ZC3H14: variants seen among roughly 807,000 people sequenced by gnomAD.
ZC3H14 encodes the protein zinc finger CCCH-type containing 14.
ZC3H14 carries 31 observed loss-of-function variants against 92.4 expected under a neutral mutation model. The observed-to-expected ratio is 0.34, with a 90% CI of 0.25 to 0.45. The LOEUF is 0.45. ZC3H14 is among the 20% of genes least tolerant of loss of function. ZC3H14 has a pLI of 1.00. For missense variants in ZC3H14, 781 were observed against 897.3 expected (o/e 0.87, Z 1.66); for synonymous variants, 321 against 300.9 (o/e 1.07, Z -0.69).
intron 9 of ZC3H14, among the ~76,000 whole-genome samples, chr14:88,592,899 T>C (rs1374749026): frequency 6.6e-6 from 1 of 152,084 alleles, no homozygotes; most frequent in African/African-American, 2.4e-5. Flanking sequence ...TAAACCAAAG[T>C]AAAAACGTCC....
chr14:88,567,822 G>GT (rs1312474792), intron 2 of ZC3H14: 21 of 594,166 alleles, frequency 3.5e-5, no homozygotes, highest in Admixed American at 3.3e-4. Flanking sequence ...GTTTAGTTTT[G>GT]TAAGTATCAA....
chr14:88,578,702 C>CCTGTCTCT (rs149276426), intron 9 of ZC3H14, among the ~76,000 whole-genome samples: 3,057 of 151,340 alleles, frequency 0.02, 86 homozygotes, highest in African/African-American at 0.065. Context: ...TCTTAAGCAT[C>CCTGTCTCT]CTGTCTCTGA....
chr14:88,604,412 A>G (rs952036632), intron 12 of ZC3H14, among the ~76,000 whole-genome samples: 1 of 152,004 alleles, frequency 6.6e-6, no homozygotes, highest in Non-Finnish European at 1.5e-5. Context: ...CCTGCAGAAC[A>G]GTTCTCAGGA....
rs2086982652 is a variant in ZC3H14, at chr14:88,612,820, CAAG to C, written c.*1073_*1075del. On this transcript the variant is annotated 3_prime_UTR_variant, in exon 17 of 17. Transcript: ENST00000251038. Reference sequence around the variant, plus strand: ...TGTGTGGTTTTTAAAACTGTTAAGGCAAGAAGTGTCAAATGCTTTAGAGTTAAA... The same window carrying C: ...TGTGTGGTTTTTAAAACTGTTAAGGCAAGTGTCAAATGCTTTAGAGTTAAA... The C allele has an allele frequency of 6.6e-6, 1 of 152,412 alleles. No individual in the cohort carries two copies. Among genetic ancestry groups the C allele is most frequent in the Non-Finnish European group, 1.5e-5 (1 of 68,018 alleles). The allele number at this position is 152,412 out of a possible 1,614,324, so 9.4% of individuals were successfully genotyped here.
At chr14:88,570,996 GAATAT>G in intron 3 of ZC3H14, 83 bp from the exon 4 acceptor site, 1 of 1,061,846 alleles carries the variant, frequency 9.4e-7, no homozygotes, top group Non-Finnish European at 1.3e-6. Context: ...AATTATCTCT[GAATAT>G]AATGTCATAA....
At chr14:88,609,102 TC>T in intron 13 of ZC3H14, 164 bp from the exon 14 acceptor site, 1 of 818,400 alleles carries the variant, frequency 1.2e-6, no homozygotes, top group Non-Finnish European at 1.9e-6. Flanking sequence ...AATGATTGTG[TC>T]CTATTTTGAT....
chr14:88,582,869 T>C (rs955386999), intron 9 of ZC3H14, among the ~76,000 whole-genome samples: 4 of 152,184 alleles, frequency 2.6e-5, no homozygotes, highest in African/African-American at 4.8e-5. Context: ...AATATAAACA[T>C]GCACTCGTAT....
chr14:88,591,427 G>GAC (rs1248107520), intron 9 of ZC3H14: 3 of 152,194 alleles, frequency 2.0e-5, no homozygotes, highest in Non-Finnish European at 4.4e-5. Flanking sequence ...GACAGGGTGA[G>GAC]ACTCCATCTC....
At chr14:88,578,631 T>C (rs1271827392) in intron 9 of ZC3H14, among the ~76,000 whole-genome samples, 3 of 152,064 alleles carry the variant, frequency 2.0e-5, no homozygotes, top group African/African-American at 7.2e-5. Context: ...CTTTTTCTCT[T>C]TTTGTTGATC....
intron 9 of ZC3H14, among the ~76,000 whole-genome samples, chr14:88,587,501 AC>A (rs2082600251): frequency 6.6e-6 from 1 of 152,014 alleles, no homozygotes; most frequent in South Asian, 2.1e-4. Context: ...TCTTGCCGCC[AC>A]CTACATTCTG....
chr14:88,574,865 A>G lies in ZC3H14; in HGVS notation c.1022+12A>G. The G allele has an allele frequency of 4.3e-6, 7 of 1,614,152 alleles. No homozygotes were observed. The highest frequency in any genetic ancestry group is 5.9e-6 in the Non-Finnish European group (7 of 1,180,004). ...AAGCCTGAAAGGAGGTACCTTGAAC[A>G]TGGCTGTAAATTAATCTTTAACTGC... On this transcript the variant is annotated intron_variant, in intron 7 of 16. Coordinates refer to ENST00000251038, the MANE Select transcript of ZC3H14 (RefSeq NM_024824.5).
chr14:88,593,551 G>A (rs1375201903), intron 9 of ZC3H14, among the ~76,000 whole-genome samples: 1 of 152,178 alleles, frequency 6.6e-6, no homozygotes, highest in African/African-American at 2.4e-5. Context: ...GACCGGAATT[G>A]AGAATCCAGA....
chr14:88,590,519 C>T (rs1386302404), intron 9 of ZC3H14: 1 of 152,284 alleles, frequency 6.6e-6, no homozygotes, highest in African/African-American at 2.4e-5. Context: ...ATATCTCATC[C>T]ATGTGTCATC....
chr14:88,563,414 A>C, intron 1 of ZC3H14: 1 of 1,428,504 alleles, frequency 7.0e-7, no homozygotes, highest in African/African-American at 1.5e-5. Flanking sequence ...GGCTGGAGCC[A>C]CCACCGCGGC....
intron 1 of ZC3H14, 181 bp from the exon 2 acceptor site, chr14:88,563,470 G>C (rs2079136017): frequency 1.4e-6 from 2 of 1,466,630 alleles, no homozygotes; most frequent in Non-Finnish European, 1.8e-6. Flanking sequence ...GCGCCGCGGG[G>C]CTGGGGCTGG....
At chr14:88,585,635 C>G (rs143484526) in intron 9 of ZC3H14, among the ~76,000 whole-genome samples, 1 of 152,194 alleles carries the variant, frequency 6.6e-6, no homozygotes, top group East Asian at 1.9e-4. Flanking sequence ...TGTTATCTGC[C>G]CGCTTCAGCC....
At chr14:88,572,306 T>G in intron 5 of ZC3H14, 81 bp downstream of exon 5, 1 of 1,496,426 alleles carries the variant, frequency 6.7e-7, no homozygotes, top group Non-Finnish European at 9.2e-7. Context: ...TCTTTCAGTT[T>G]GCTGTTCTCA....
At chr14:88,566,970 A>G (rs1048913681) in intron 2 of ZC3H14, among the ~76,000 whole-genome samples, 1 of 151,334 alleles carries the variant, frequency 6.6e-6, no homozygotes, top group Non-Finnish European at 1.5e-5. Context: ...AGGGTCAGAG[A>G]TTAGAGTTCC....
chr14:88,609,568 C>T lies in ZC3H14; in HGVS notation c.2006-144C>T, dbSNP rs945422745. ...GCAAGTGTGCCTATCTGTAGTATTCCGAAGTATTTTGACTAGTGAATATAT... is the reference window on the plus strand; with the variant it reads ...GCAAGTGTGCCTATCTGTAGTATTCTGAAGTATTTTGACTAGTGAATATAT... On this transcript the variant is annotated intron_variant, in intron 14 of 16. Coordinates refer to ENST00000251038, the MANE Select transcript of ZC3H14 (RefSeq NM_024824.5). 48 of 1,360,192 alleles carry T rather than the reference C, an allele frequency of 3.5e-5. 1 individual carries two copies. Among genetic ancestry groups the T allele is most frequent in the East Asian group, 1.2e-4 (5 of 41,296 alleles). 84.3% of individuals were successfully genotyped at this position (1,360,192 alleles called of 1,614,324 possible). A position where few individuals can be genotyped will look rare whatever the true frequency, so the allele number is the denominator to read the frequency against.
Sources: gnomAD v4.1 joint callset for allele counts (sites outside exome capture counted in the v4.1 genomes callset) on GRCh38, gnomAD v4.1.1 for gene constraint, MANE v1.5 for transcripts, NCBI Gene and HGNC (gene_info 2026-07-23, HGNC 2026-07-21) for gene names.